The following KYNU variants were observed in gnomAD, a reference collection of about 807,000 sequenced individuals.
The protein encoded by KYNU is kynureninase.
A neutral mutation model predicts 59.2 loss-of-function variants in KYNU; 54 were observed. That is an observed-to-expected ratio of 0.91 (90% CI 0.73 to 1.14). The LOEUF is 1.14. Among genes scored for constraint, KYNU ranks in the 50% most tolerant of loss-of-function variants. The pLI, the probability that KYNU is intolerant of heterozygous loss-of-function variation, is 0.00. For synonymous variants in KYNU, 177 were observed against 192.0 expected, an observed-to-expected ratio of 0.92 and a Z score of 0.65; for missense variants, 567 against 554.4, an observed-to-expected ratio of 1.02 and a Z score of -0.23.
intron 8 of KYNU, among the ~76,000 whole-genome samples, chr2:142,979,436 CAA>C (rs1037417212): frequency 2.0e-5 from 3 of 152,016 alleles, no homozygotes; most frequent in East Asian, 1.9e-4. Flanking sequence ...AAAATTGTTA[CAA>C]GAGAGATATA....
At chr2:142,914,044 C>T (rs549054693) in intron 2 of KYNU, among the ~76,000 whole-genome samples, 1 of 152,340 alleles carries the variant, frequency 6.6e-6, no homozygotes, top group East Asian at 1.9e-4. Context: ...CAGCTGATGC[C>T]TAGCTGCTCA....
chr2:142,962,096 C>T (rs1474207634), intron 8 of KYNU, among the ~76,000 whole-genome samples: 7 of 152,016 alleles, frequency 4.6e-5, no homozygotes, highest in Non-Finnish European at 8.8e-5. Context: ...ATGTTAAGCA[C>T]CAAAATAAAG....
Position 143,017,084 on chromosome 2 carries a change from T to C in KYNU, c.903-12543T>C, listed in dbSNP as rs866158190. ...TGTTGCTGAAAAGGACACGCTTTCA[T>C]TCCTTATTATGACTGTATAGTATTC... is the stretch of plus-strand genomic sequence containing the variant. On this transcript the variant is annotated intron_variant, in intron 10 of 13. Coordinates refer to ENST00000264170, the MANE Select transcript of KYNU (RefSeq NM_003937.3). Among the ~76,000 whole-genome samples, 4 of 152,330 alleles carry C rather than the reference T, an allele frequency of 2.6e-5. No individual in the cohort carries two copies. In the South Asian group the frequency reaches 8.3e-4, roughly 32 times the overall value.
At chr2:143,035,677 A>G (rs1015165571) in intron 12 of KYNU, among the ~76,000 whole-genome samples, 7 of 152,180 alleles carry the variant, frequency 4.6e-5, no homozygotes, top group Non-Finnish European at 1.0e-4. Context: ...CATGGCCTCA[A>G]ACTCCTGGGG....
chr2:143,014,460 T>C (rs1449165129), intron 10 of KYNU, among the ~76,000 whole-genome samples: 11 of 152,238 alleles, frequency 7.2e-5, no homozygotes, highest in Admixed American at 7.2e-4. Flanking sequence ...CTGGCATAAA[T>C]TTTATGCTGG....
intron 2 of KYNU, among the ~76,000 whole-genome samples, chr2:142,900,567 AT>A: frequency 6.6e-6 from 1 of 152,110 alleles, no homozygotes; most frequent in African/African-American, 2.4e-5. Context: ...TTACTACCTG[AT>A]TGGTCAGATA....
At chr2:142,922,438 G>A (rs1682914343) in intron 3 of KYNU, among the ~76,000 whole-genome samples, 1 of 152,086 alleles carries the variant, frequency 6.6e-6, no homozygotes, top group Admixed American at 6.6e-5. Flanking sequence ...CTGGAATGTG[G>A]GGGTTTGCAG....
At chr2:142,884,672 T>G (rs1681428736) in intron 1 of KYNU, among the ~76,000 whole-genome samples, 1 of 150,694 alleles carries the variant, frequency 6.6e-6, no homozygotes, top group Non-Finnish European at 1.5e-5. Context: ...GTTACTATTA[T>G]TTTGTTTCTC....
At chr2:142,910,143 T>C (rs1025612865) in intron 2 of KYNU, among the ~76,000 whole-genome samples, 3 of 143,914 alleles carry the variant, frequency 2.1e-5, no homozygotes, top group African/African-American at 7.8e-5. Flanking sequence ...TTTTTTTTTT[T>C]TTTTTTTCTT....
At chr2:142,973,958 G>A (rs1469697150) in intron 8 of KYNU, among the ~76,000 whole-genome samples, 3 of 152,142 alleles carry the variant, frequency 2.0e-5, no homozygotes, top group Admixed American at 6.6e-5. Flanking sequence ...AAACACCCTC[G>A]ACATGTTCTA....
intron 10 of KYNU, among the ~76,000 whole-genome samples, chr2:142,991,242 A>G (rs1381916625): frequency 6.6e-6 from 1 of 151,870 alleles, no homozygotes; most frequent in African/African-American, 2.4e-5. Flanking sequence ...AAACTTATCT[A>G]TAATTTAAAT....
At chr2:142,883,685 T>C (rs1681388250) in intron 1 of KYNU, among the ~76,000 whole-genome samples, 1 of 152,314 alleles carries the variant, frequency 6.6e-6, no homozygotes, top group African/African-American at 2.4e-5. Flanking sequence ...GACATTCTCA[T>C]CTATCACTTT....
At chr2:142,931,204 A>G (rs190702176) in intron 4 of KYNU, among the ~76,000 whole-genome samples, 114 of 152,250 alleles carry the variant, frequency 7.5e-4, no homozygotes, top group African/African-American at 2.6e-3. Flanking sequence ...GGAGTTATTC[A>G]TCTCCTTAAG....
At chr2:142,960,806 A>T (rs757587890) in intron 8 of KYNU, 36 bp downstream of exon 8, 25 of 1,605,830 alleles carry the variant, frequency 1.6e-5, no homozygotes, top group Non-Finnish European at 2.0e-5. Context: ...ACCTTACTCC[A>T]AACATCACTC....
intron 10 of KYNU, among the ~76,000 whole-genome samples, chr2:142,990,421 G>A (rs1685364698): frequency 6.6e-6 from 1 of 151,798 alleles, no homozygotes; most frequent in African/African-American, 2.4e-5. Context: ...TTCAACTTTA[G>A]GGGATTCAAA....
intron 10 of KYNU, among the ~76,000 whole-genome samples, chr2:143,005,565 A>G (rs1685853255): frequency 6.6e-6 from 1 of 152,196 alleles, no homozygotes; most frequent in Non-Finnish European, 1.5e-5. Flanking sequence ...GGAAAGCAGA[A>G]GTATACAAAG....
intron 10 of KYNU, among the ~76,000 whole-genome samples, chr2:142,991,964 C>A (rs538638752): frequency 1.3e-5 from 2 of 152,064 alleles, no homozygotes; most frequent in African/African-American, 4.8e-5. Flanking sequence ...AAAATTAGTC[C>A]TTACCTGAAC....
rs1687097493 is a variant in KYNU at position 143,042,847 on chromosome 2, A to G, written c.*675A>G. On this transcript the variant is annotated 3_prime_UTR_variant, in exon 14 of 14. Transcript: ENST00000264170. ...ACCCATCTTTCAATTTTCGATCAATAGTTTCTTACAGTCACCATTGGCCAT... is the reference window on the plus strand; with the variant it reads ...ACCCATCTTTCAATTTTCGATCAATGGTTTCTTACAGTCACCATTGGCCAT... 6.6e-6 allele frequency: 1 copy of G among 151,662 alleles called. No homozygotes were observed. The allele number at this position is 151,662 out of a possible 1,614,324, so 9.4% of individuals were successfully genotyped here.
At chr2:142,913,666 C>CT (rs1682579487) in intron 2 of KYNU, among the ~76,000 whole-genome samples, 1 of 152,142 alleles carries the variant, frequency 6.6e-6, no homozygotes, top group Admixed American at 6.5e-5. Flanking sequence ...AATGTATAAT[C>CT]TGTGGTTGAT....
Sources: gnomAD v4.1 joint callset for allele counts (sites outside exome capture counted in the v4.1 genomes callset) on GRCh38, gnomAD v4.1.1 for gene constraint, MANE v1.5 for transcripts, NCBI Gene and HGNC (gene_info 2026-07-23, HGNC 2026-07-21) for gene names.